Variants in NR6A1 observed in about 807,000 individuals in gnomAD.
The protein encoded by NR6A1 is nuclear receptor subfamily 6 group A member 1.
In NR6A1, 7 loss-of-function variants were observed where a neutral mutation model predicts 59.1. That is an observed-to-expected ratio of 0.12 (90% CI 0.07 to 0.22). The LOEUF is 0.22. NR6A1 is among the 10% of genes least tolerant of loss of function. The pLI is 1.00. For missense variants in NR6A1, 468 were observed against 611.6 expected (o/e 0.77, Z 2.48); for synonymous variants, 243 against 236.1 (o/e 1.03, Z -0.27).
chr9:124,699,237 T>A (rs981711645), intron 2 of NR6A1, among the ~76,000 whole-genome samples: 5 of 152,158 alleles, frequency 3.3e-5, no homozygotes, highest in Non-Finnish European at 7.4e-5. Context: ...TCAGACAAGA[T>A]CCTCTCACTA....
chr9:124,771,053 G>T lies in NR6A1; in HGVS notation c.67C>A (p.Pro23Thr). 5 of 1,230,622 alleles carry T rather than the reference G, an allele frequency of 4.1e-6. No homozygotes were observed. The highest frequency in any genetic ancestry group is 5.1e-6 in the Non-Finnish European group (5 of 987,240). The allele number at this position is 1,230,622 out of a possible 1,614,324, so 76.2% of individuals were successfully genotyped here. ...GGCGGCGGAGGGAGCGCGGCGGGAG[G>T]CTCCAGGAACCCCGCCGAGCCCCCG... is the stretch of plus-strand genomic sequence containing the variant. ...GGGGSAGFLEPPAALPPPPRN... is the reference protein window; with the variant it reads ...GGGGSAGFLETPAALPPPPRN... Residue 23 changes from proline to threonine, a missense_variant, in exon 1 of 10, where the codon CCT (proline) becomes ACT (threonine). Pro to Thr is a conservative substitution (Grantham distance 38, BLOSUM62 -1). Around this residue, in one of 4 missense-constraint regions of NR6A1, gnomAD observed 75 missense variants for 65.6 expected, o/e 1.14. Transcript: ENST00000487099.
At chr9:124,723,593 C>G (rs1839626373) in intron 2 of NR6A1, among the ~76,000 whole-genome samples, 1 of 152,132 alleles carries the variant, frequency 6.6e-6, no homozygotes, top group African/African-American at 2.4e-5. Flanking sequence ...GAAACACAGG[C>G]CAGCTTAATT....
intron 2 of NR6A1, among the ~76,000 whole-genome samples, chr9:124,630,780 G>A (rs1209514293): frequency 2.1e-5 from 3 of 139,628 alleles, no homozygotes; most frequent in Non-Finnish European, 3.0e-5. Context: ...CCGGGTTCAA[G>A]CGATTCTCCT....
intron 2 of NR6A1, among the ~76,000 whole-genome samples, chr9:124,591,594 T>C (rs1450554994): frequency 4.6e-5 from 7 of 152,198 alleles, no homozygotes; most frequent in Non-Finnish European, 8.8e-5. Flanking sequence ...GGAATTCTGA[T>C]TGGTCCCACT....
At chr9:124,709,802 G>A (rs1839225628) in intron 2 of NR6A1, among the ~76,000 whole-genome samples, 1 of 151,976 alleles carries the variant, frequency 6.6e-6, no homozygotes, top group South Asian at 2.1e-4. Context: ...GGGAAAGGTG[G>A]CAGGCACCTA....
At chr9:124,530,859 C>T (rs1228316492) in intron 7 of NR6A1, among the ~76,000 whole-genome samples, 1 of 152,214 alleles carries the variant, frequency 6.6e-6, no homozygotes, top group South Asian at 2.1e-4. Flanking sequence ...GTTAAAGAGG[C>T]TGGGCATTGG....
chr9:124,679,516 A>T (rs964900851), intron 2 of NR6A1, among the ~76,000 whole-genome samples: 1 of 152,184 alleles, frequency 6.6e-6, no homozygotes, highest in Non-Finnish European at 1.5e-5. Context: ...AGAGGGTACT[A>T]TTTAACAATG....
chr9:124,748,482 G>A (rs961432001), intron 1 of NR6A1, among the ~76,000 whole-genome samples: 1 of 152,142 alleles, frequency 6.6e-6, no homozygotes, highest in South Asian at 2.1e-4. Context: ...ATTGTTTAAA[G>A]GGAATAACAT....
chr9:124,636,809 G>C (rs918352005), intron 2 of NR6A1, among the ~76,000 whole-genome samples: 5 of 152,126 alleles, frequency 3.3e-5, no homozygotes, highest in African/African-American at 1.2e-4. Context: ...ACACTGTCTT[G>C]ATTATGGTAC....
chr9:124,591,630 G>A (rs965620864), intron 2 of NR6A1, among the ~76,000 whole-genome samples: 9 of 152,126 alleles, frequency 5.9e-5, no homozygotes, highest in Non-Finnish European at 8.8e-5. Context: ...CTCACCAGCC[G>A]GTTGACTCCT....
intron 2 of NR6A1, among the ~76,000 whole-genome samples, chr9:124,619,778 T>C (rs1196350728): frequency 1.3e-5 from 2 of 152,256 alleles, no homozygotes; most frequent in East Asian, 3.9e-4. Flanking sequence ...ATTTATTTTA[T>C]TGGCTGGCTG....
At chr9:124,649,162 G>T (rs773434069) in intron 2 of NR6A1, among the ~76,000 whole-genome samples, 1 of 149,838 alleles carries the variant, frequency 6.7e-6, no homozygotes, top group Non-Finnish European at 1.5e-5. Context: ...AAAGAACACA[G>T]GTGGAGGTAT....
In NR6A1 at chr9:124,615,581, A is replaced by C. The variant is rs192670762; in HGVS notation, c.143-61011T>G. ...ACCTTCCAACTTTCTCCATTCCCCC[A>C]CAAAGCACCTAACAAATCCTTGTGA... On this transcript the variant is annotated intron_variant, in intron 2 of 9. Coordinates refer to ENST00000487099, the MANE Select transcript of NR6A1 (RefSeq NM_033334.4). 8.5e-5 allele frequency among the ~76,000 whole-genome samples: 13 copies of C among 152,178 alleles called. No homozygotes were observed. In the East Asian group the frequency reaches 2.5e-3, roughly 29 times the overall value.
chr9:124,729,170 T>C (rs1467838470), intron 2 of NR6A1, among the ~76,000 whole-genome samples: 3 of 152,192 alleles, frequency 2.0e-5, no homozygotes, highest in African/African-American at 4.8e-5. Flanking sequence ...GTTGGGAAGA[T>C]ATATTGATTA....
At chr9:124,523,982 T>C (rs1832862084) in intron 9 of NR6A1, among the ~76,000 whole-genome samples, 1 of 152,180 alleles carries the variant, frequency 6.6e-6, no homozygotes, top group Non-Finnish European at 1.5e-5. Context: ...AAAGCCAGGA[T>C]TTTATATTGA....
intron 7 of NR6A1, 40 bp from the exon 8 acceptor site, chr9:124,526,940 C>A (rs368529395): frequency 3.7e-6 from 6 of 1,610,564 alleles, no homozygotes; most frequent in South Asian, 3.3e-5. Flanking sequence ...GGCTGTGACA[C>A]CAGTAGGGGC....
rs946558183 is a variant in NR6A1 at position 124,731,370 on chromosome 9, G to C, written c.142+1938C>G. Among the ~76,000 whole-genome samples the C allele has an allele frequency of 7.9e-4, 86 of 108,834 alleles. 1 individual carries two copies. The South Asian group carries it at 0.025, about 31-fold the overall frequency. 71.4% of individuals were successfully genotyped at this position (108,834 alleles called of 152,430 possible). A position where few individuals can be genotyped will look rare whatever the true frequency, so the allele number is the denominator to read the frequency against. Reference sequence around the variant, plus strand: ...GGGTGACAGAGCGAAACTCCATCTCGAAAAAAAAAAAAAAAGAAAGGACCA... The same window carrying C: ...GGGTGACAGAGCGAAACTCCATCTCCAAAAAAAAAAAAAAAGAAAGGACCA... On this transcript the variant is annotated intron_variant, in intron 2 of 9. Transcript: ENST00000487099.
intron 2 of NR6A1, among the ~76,000 whole-genome samples, chr9:124,600,652 A>C (rs189779881): frequency 1.3e-5 from 2 of 152,186 alleles, no homozygotes; most frequent in Non-Finnish European, 2.9e-5. Context: ...ACCACTCCAT[A>C]CTAACTCACA....
chr9:124,757,236 A>G (rs1332368354), intron 1 of NR6A1, among the ~76,000 whole-genome samples: 1 of 152,074 alleles, frequency 6.6e-6, no homozygotes, highest in Non-Finnish European at 1.5e-5. Context: ...AAATAAGCCA[A>G]GATAAAAGCA....
Sources: gnomAD v4.1 joint callset for allele counts (sites outside exome capture counted in the v4.1 genomes callset) on GRCh38, gnomAD v4.1.1 for gene constraint, gnomAD v4.1.1 regional missense constraint, MANE v1.5 for transcripts, NCBI Gene and HGNC (gene_info 2026-07-23, HGNC 2026-07-21) for gene names.